DPYS: variants seen among roughly 807,000 people sequenced by gnomAD.
The protein encoded by DPYS is dihydropyrimidine amidohydrolase.
A neutral mutation model predicts 50.3 loss-of-function variants in DPYS; 39 were observed. The observed-to-expected ratio is 0.78, with a 90% CI of 0.60 to 1.01. The LOEUF is 1.01. Among genes scored for constraint, DPYS ranks in the 50% least tolerant of loss-of-function variants. The pLI is 0.00. For synonymous variants in DPYS, 245 were observed against 250.7 expected, an observed-to-expected ratio of 0.98 and a Z score of 0.22; for missense variants, 659 against 680.9, an observed-to-expected ratio of 0.97 and a Z score of 0.36.
intron 8 of DPYS, among the ~76,000 whole-genome samples, chr8:104,381,614 C>T (rs566446785): frequency 8.5e-5 from 13 of 152,270 alleles, no homozygotes; most frequent in African/African-American, 3.1e-4. Context: ...TTTCCAACAT[C>T]CGACCTTTTC....
At chr8:104,430,585 C>A (rs77130359) in intron 4 of DPYS, among the ~76,000 whole-genome samples, 3 of 152,160 alleles carry the variant, frequency 2.0e-5, no homozygotes, top group South Asian at 2.1e-4. Context: ...AGTTAAAATC[C>A]TGATATATAA....
chr8:104,443,882 G>C (rs1232341555), intron 4 of DPYS, among the ~76,000 whole-genome samples: 1 of 152,166 alleles, frequency 6.6e-6, no homozygotes, highest in Non-Finnish European at 1.5e-5. Flanking sequence ...GACAAAGTGA[G>C]ACTCCATCAC....
In DPYS at chr8:104,379,787, G is replaced by A. The variant is rs1206292994; in HGVS notation, c.*71C>T. 1 of 456,400 alleles carries A rather than the reference G, an allele frequency of 2.2e-6. No homozygotes were observed. The highest frequency in any genetic ancestry group is 2.4e-5 in the Admixed American group (1 of 42,552). 28.3% of individuals were successfully genotyped at this position (456,400 alleles called of 1,614,324 possible). The stretch of plus-strand genomic sequence containing the variant: ...TTGAATAAGGCCTGCTTCTCCATGG[G>A]TTGACAATGTTTGGCTGTGAAGGGA... On this transcript the variant is annotated 3_prime_UTR_variant, in exon 10 of 10. Transcript: ENST00000351513.
At chr8:104,407,461 A>G (rs1812034023) in intron 7 of DPYS, among the ~76,000 whole-genome samples, 1 of 152,232 alleles carries the variant, frequency 6.6e-6, no homozygotes. Context: ...GGTACCATGT[A>G]CCTGTGAGTA....
rs561048436 is a variant in DPYS, at chr8:104,429,372, G to A, written c.950+173C>T. ...GGAAAGGCTTTGACAACATATCACA[G>A]CATAATTAAGTCAATGTTTTTTGCT... On this transcript the variant is annotated intron_variant, in intron 5 of 9. Coordinates refer to ENST00000351513, the MANE Select transcript of DPYS (RefSeq NM_001385.3). 2.8e-5 allele frequency: 19 copies of A among 689,788 alleles called. No individual in the cohort carries two copies. In the South Asian group the frequency reaches 3.3e-4, roughly 12 times the overall value. The allele number at this position is 689,788 out of a possible 1,614,324, so 42.7% of individuals were successfully genotyped here. A position where few individuals can be genotyped will look rare whatever the true frequency, so the allele number is the denominator to read the frequency against.
intron 8 of DPYS, among the ~76,000 whole-genome samples, chr8:104,382,498 A>G (rs1379603721): frequency 7.8e-6 from 1 of 128,644 alleles, no homozygotes; most frequent in Non-Finnish European, 1.7e-5. Context: ...CTAATACCCC[A>G]CTCTCTGGCC....
intron 8 of DPYS, among the ~76,000 whole-genome samples, chr8:104,386,994 T>C (rs944359334): frequency 4.6e-5 from 7 of 152,306 alleles, no homozygotes; most frequent in African/African-American, 1.7e-4. Flanking sequence ...AATGATTGAA[T>C]GCTGTTCATG....
intron 7 of DPYS, among the ~76,000 whole-genome samples, chr8:104,399,943 G>A (rs1564084315): frequency 6.6e-6 from 1 of 151,552 alleles, no homozygotes; most frequent in African/African-American, 2.4e-5. Flanking sequence ...CCTTAGGCAT[G>A]GTTGTCTGCT....
At chr8:104,438,361 A>T (rs373407223) in intron 4 of DPYS, among the ~76,000 whole-genome samples, 27 of 152,326 alleles carry the variant, frequency 1.8e-4, no homozygotes, top group African/African-American at 6.5e-4. Flanking sequence ...TATTTTAAAA[A>T]GAGCTAATTG....
chr8:104,409,159 C>T (rs1402121446), intron 7 of DPYS, among the ~76,000 whole-genome samples: 6 of 151,780 alleles, frequency 4.0e-5, no homozygotes, highest in Non-Finnish European at 8.8e-5. Flanking sequence ...ATTGTGGTTA[C>T]CACTGTGCCT....
chr8:104,388,248 A>G (rs1588397142), intron 8 of DPYS, among the ~76,000 whole-genome samples: 1 of 152,214 alleles, frequency 6.6e-6, no homozygotes, highest in South Asian at 2.1e-4. Flanking sequence ...CAAAGATACA[A>G]CCCAGTTTAA....
chr8:104,393,438 C>G (rs1380540539), intron 7 of DPYS, among the ~76,000 whole-genome samples: 3 of 152,128 alleles, frequency 2.0e-5, no homozygotes, highest in Non-Finnish European at 4.4e-5. Flanking sequence ...CTTCCCAAAT[C>G]CCATGCCCGT....
chr8:104,402,419 G>A (rs573516133), intron 7 of DPYS, among the ~76,000 whole-genome samples: 1 of 152,262 alleles, frequency 6.6e-6, no homozygotes, highest in East Asian at 1.9e-4. Context: ...TATGTCTTAT[G>A]AATATTAAAC....
Position 104,427,920 on chromosome 8 carries a change from A to G in DPYS, c.1092+60T>C, listed in dbSNP as rs1439514910. 1.1e-5 allele frequency: 17 copies of G among 1,612,442 alleles called. 1 individual carries two copies. The highest frequency in any genetic ancestry group is 8.8e-5 in the South Asian group (8 of 90,994). ...AAAATTTGTGCCACTCTGGTCCTCA[A>G]ATGGGCAGGATCCTGGCTGAAGAAC... is the stretch of plus-strand genomic sequence containing the variant. On this transcript the variant is annotated intron_variant, in intron 6 of 9. Coordinates refer to ENST00000351513, the MANE Select transcript of DPYS (RefSeq NM_001385.3).
chr8:104,443,131 C>T (rs1486049419), intron 4 of DPYS, among the ~76,000 whole-genome samples: 1 of 152,200 alleles, frequency 6.6e-6, no homozygotes, highest in Non-Finnish European at 1.5e-5. Flanking sequence ...AATTATAACA[C>T]TGTCTCTGAT....
chr8:104,453,462 A>C (rs527768607), intron 1 of DPYS, among the ~76,000 whole-genome samples: 8 of 152,338 alleles, frequency 5.3e-5, no homozygotes, highest in African/African-American at 1.7e-4. Flanking sequence ...CTGTTAATTA[A>C]AGCATTAGAA....
At chr8:104,464,276 C>G (rs564593560) in intron 1 of DPYS, among the ~76,000 whole-genome samples, 152 of 152,286 alleles carry the variant, frequency 1.0e-3, no homozygotes, top group African/African-American at 3.5e-3. Flanking sequence ...ATAAATCTCT[C>G]TGAACTAGAG....
intron 7 of DPYS, among the ~76,000 whole-genome samples, chr8:104,418,270 C>T (rs1309649291): frequency 6.6e-6 from 1 of 152,076 alleles, no homozygotes; most frequent in Non-Finnish European, 1.5e-5. Flanking sequence ...ACTAACAAGA[C>T]GGCTGGGCAA....
chr8:104,402,150 T>A (rs1231528021), intron 7 of DPYS, among the ~76,000 whole-genome samples: 1 of 152,224 alleles, frequency 6.6e-6, no homozygotes, highest in East Asian at 1.9e-4. Flanking sequence ...GATTTAGACA[T>A]GAGCAAGCTG....
Sources: gnomAD v4.1 joint callset for allele counts (sites outside exome capture counted in the v4.1 genomes callset) on GRCh38, gnomAD v4.1.1 for gene constraint, MANE v1.5 for transcripts, NCBI Gene and HGNC (gene_info 2026-07-23, HGNC 2026-07-21) for gene names.